The following ARGFX variants were observed in gnomAD, a reference collection of about 807,000 sequenced individuals.
ARGFX encodes arginine-fifty homeobox.
In ARGFX, 10 loss-of-function variants were observed where a neutral mutation model predicts 8.0. That is an observed-to-expected ratio of 1.25 (90% CI 0.77 to 2.12). The LOEUF (loss-of-function observed/expected upper bound fraction) is 2.12, where lower values mean the gene tolerates loss of function less well. Ranked by LOEUF, ARGFX falls within the 30% of genes most tolerant of loss-of-function variation. The probability of loss-of-function intolerance (pLI) is 0.00; values close to 1 mark genes in which losing one functional copy is unlikely to be tolerated. For missense variants in ARGFX, 282 were observed against 324.3 expected (o/e 0.87, Z 1.00); for synonymous variants, 116 against 117.8 (o/e 0.98, Z 0.10).
chr3:121,589,239 A>T lies in ARGFX; in HGVS notation c.*2639A>T, dbSNP rs1227966630. On this transcript the variant is annotated 3_prime_UTR_variant, in exon 5 of 5. Coordinates refer to ENST00000334384, the MANE Select transcript of ARGFX (RefSeq NM_001012659.2). ...AACACTTTTAACTGAAAAAAACAAA[A>T]GCACAACAAACCAAAACATGGGATG... Among the ~76,000 whole-genome samples the T allele has an allele frequency of 2.0e-5, 3 of 152,224 alleles. No homozygotes were observed. The highest frequency in any genetic ancestry group is 2.9e-5 in the Non-Finnish European group (2 of 68,030).
At chr3:121,569,591 C>G (rs1293667736) in intron 1 of ARGFX, among the ~76,000 whole-genome samples, 1 of 152,120 alleles carries the variant, frequency 6.6e-6, no homozygotes, top group Non-Finnish European at 1.5e-5. Flanking sequence ...GTCTCAAACT[C>G]CTGACCTCAA....
At chr3:121,584,269 A>AGGAG (rs1485299376) in intron 3 of ARGFX, among the ~76,000 whole-genome samples, 4 of 151,054 alleles carry the variant, frequency 2.6e-5, no homozygotes, top group African/African-American at 9.8e-5. Flanking sequence ...GAAGGAAGGA[A>AGGAG]AGAAAAGAAG....
At chr3:121,576,707 TTTTCTTTC>T (rs200520122) in intron 2 of ARGFX, 69 bp from the exon 3 acceptor site, 57,731 of 248,310 alleles carry the variant, frequency 0.23, 6,944 homozygotes, top group Admixed American at 0.42. Context: ...CTTTCTTTCT[TTTTCTTTC>T]TTTCTTTCTT....
chr3:121,580,173 C>T (rs886384974), intron 3 of ARGFX, among the ~76,000 whole-genome samples: 2 of 151,398 alleles, frequency 1.3e-5, no homozygotes, highest in African/African-American at 2.4e-5. Flanking sequence ...ACCATGTGGT[C>T]CAGACTGGTC....
At chr3:121,577,249 A>ATT (rs2048746345) in intron 3 of ARGFX, among the ~76,000 whole-genome samples, 4 of 49,146 alleles carry the variant, frequency 8.1e-5, no homozygotes, top group Admixed American at 7.0e-4. Context: ...ATATATATAT[A>ATT]TATATATATA....
rs952550666 is a variant in ARGFX, at chr3:121,584,279, G to GAGCAA, written c.221-620_221-616dup. 3.3e-4 allele frequency among the ~76,000 whole-genome samples: 50 copies of GAGCAA among 151,250 alleles called. No individual in the cohort carries two copies. The East Asian group carries it at 3.7e-3, about 11-fold the overall frequency. On this transcript the variant is annotated intron_variant, in intron 3 of 4. Transcript: ENST00000334384. Reference sequence around the variant, plus strand: ...GGAAGGAAGGAAGGAAAGAAAAGAAGAGCAAAGCAAAGCAAAGCAAAGAAA... The same window carrying GAGCAA: ...GGAAGGAAGGAAGGAAAGAAAAGAAGAGCAAAGCAAAGCAAAGCAAAGCAAAGAAA...
chr3:121,583,523 C>A (rs1381509665), intron 3 of ARGFX, among the ~76,000 whole-genome samples: 2 of 151,816 alleles, frequency 1.3e-5, no homozygotes, highest in Non-Finnish European at 2.9e-5. Flanking sequence ...TGGTTCACTG[C>A]AGCCTCAACC....
chr3:121,580,604 A>ATTTTTTT lies in ARGFX; in HGVS notation c.220+3705_220+3706insTTTTTTT, dbSNP rs1414827075. Among the ~76,000 whole-genome samples the ATTTTTTT allele has an allele frequency of 8.3e-5, 8 of 96,286 alleles. 1 individual carries two copies. Among genetic ancestry groups the ATTTTTTT allele is most frequent in the East Asian group, 5.3e-4 (1 of 1,892 alleles). The allele number at this position is 96,286 out of a possible 152,430, so 63.2% of individuals were successfully genotyped here. The stretch of plus-strand genomic sequence containing the variant: ...TGTGTGTGTGTGTGTGTATATATAT[A>ATTTTTTT]TATTTTTTTTTTTTTTTTGAGATGA... On this transcript the variant is annotated intron_variant, in intron 3 of 4. Coordinates refer to ENST00000334384, the MANE Select transcript of ARGFX (RefSeq NM_001012659.2).
intron 1 of ARGFX, among the ~76,000 whole-genome samples, 109 bp downstream of exon 1, chr3:121,568,122 A>AT (rs1408392066): frequency 6.6e-6 from 1 of 152,246 alleles, no homozygotes; most frequent in Non-Finnish European, 1.5e-5. Context: ...CACTCAGCCC[A>AT]TTCACATTAG....
rs1380324377 is a variant in ARGFX at position 121,577,242 on chromosome 3, T to TCTACATGTAC, written c.220+342_220+343insCTACATGTAC. On this transcript the variant is annotated intron_variant, in intron 3 of 4. Transcript: ENST00000334384. ...CTACATGTACATATATATATATATA[T>TCTACATGTAC]ATATATATATATATATATTTTTTTT... 1.0e-2 allele frequency among the ~76,000 whole-genome samples: 613 copies of TCTACATGTAC among 61,582 alleles called. 3 individuals are homozygous for TCTACATGTAC. Among genetic ancestry groups the TCTACATGTAC allele is most frequent in the Non-Finnish European group, 0.011 (349 of 30,424 alleles). The allele number at this position is 61,582 out of a possible 152,430, so 40.4% of individuals were successfully genotyped here. A position where few individuals can be genotyped will look rare whatever the true frequency, so the allele number is the denominator to read the frequency against.
At chr3:121,584,896 T>TGAAGGG in intron 3 of ARGFX, 21 bp from the exon 4 acceptor site, 2 of 1,601,354 alleles carry the variant, frequency 1.2e-6, no homozygotes, top group Non-Finnish European at 1.7e-6. Flanking sequence ...TAACCACCCC[T>TGAAGGG]TCTTTATCTC....
At chr3:121,585,261 G>A (rs915655633) in intron 4 of ARGFX, among the ~76,000 whole-genome samples, 196 bp downstream of exon 4, 12 of 152,120 alleles carry the variant, frequency 7.9e-5, no homozygotes, top group African/African-American at 2.7e-4. Flanking sequence ...AAAAAATGAG[G>A]TTCAGAGGCA....
intron 3 of ARGFX, among the ~76,000 whole-genome samples, chr3:121,580,590 G>A (rs890239397): frequency 1.9e-5 from 2 of 106,452 alleles, no homozygotes; most frequent in Admixed American, 2.6e-4. Context: ...GTGTGTGTGT[G>A]TGTGTATATA....
intron 3 of ARGFX, among the ~76,000 whole-genome samples, chr3:121,584,204 G>GAGGAAGCAAGGA (rs1181406766): frequency 0.065 from 6,806 of 104,278 alleles, 437 homozygotes; most frequent in Admixed American, 0.096. Flanking sequence ...GACAGAGAGA[G>GAGGAAGCAAGGA]AGGAAGGAAG....
chr3:121,580,229 G>C (rs964639417), intron 3 of ARGFX, among the ~76,000 whole-genome samples: 3 of 151,218 alleles, frequency 2.0e-5, no homozygotes, highest in Admixed American at 6.6e-5. Flanking sequence ...TGCAACCTCC[G>C]CCTCCCGTGT....
intron 1 of ARGFX, among the ~76,000 whole-genome samples, chr3:121,569,150 T>C (rs1439179839): frequency 1.3e-4 from 20 of 152,230 alleles, no homozygotes; most frequent in Admixed American, 1.2e-3. Context: ...TAGGGCTTAA[T>C]GGAAGATGGC....
rs34783142 is a variant in ARGFX, at chr3:121,588,762, CAAA to C, written c.*2175_*2177del. Among the ~76,000 whole-genome samples, 1 of 107,548 alleles carries C rather than the reference CAAA, an allele frequency of 9.3e-6. No individual in the cohort carries two copies. 70.6% of individuals were successfully genotyped at this position (107,548 alleles called of 152,430 possible). On this transcript the variant is annotated 3_prime_UTR_variant, in exon 5 of 5. Coordinates refer to ENST00000334384, the MANE Select transcript of ARGFX (RefSeq NM_001012659.2). ...TGAAATCCTGCCTCTACTAAAAATA[CAAA>C]AAAAAAAAAAAATTAGCTGGGCATG...
intron 3 of ARGFX, among the ~76,000 whole-genome samples, 169 bp downstream of exon 3, chr3:121,577,069 A>T (rs2048742805): frequency 6.6e-6 from 1 of 151,426 alleles, no homozygotes. Flanking sequence ...TATCAGTTCC[A>T]TTCTATCTCC....
In ARGFX at chr3:121,586,887, G is replaced by C. The variant is rs1263661895; in HGVS notation, c.*287G>C. 1.3e-5 allele frequency among the ~76,000 whole-genome samples: 2 copies of C among 152,072 alleles called. No individual in the cohort carries two copies. The highest frequency in any genetic ancestry group is 2.9e-5 in the Non-Finnish European group (2 of 68,008). On this transcript the variant is annotated 3_prime_UTR_variant, in exon 5 of 5. Transcript: ENST00000334384. ...TAAAAGTAGGACAGTGGTTTTGGGG[G>C]TTATCCACTTTTATTTTTTTGAAAC... is the stretch of plus-strand genomic sequence containing the variant.
Sources: gnomAD v4.1 joint callset for allele counts (sites outside exome capture counted in the v4.1 genomes callset) on GRCh38, gnomAD v4.1.1 for gene constraint, MANE v1.5 for transcripts, NCBI Gene and HGNC (gene_info 2026-07-23, HGNC 2026-07-21) for gene names.